The following CDK19 variants were observed in gnomAD, a reference collection of about 807,000 sequenced individuals.
CDK19 encodes the protein cyclin-dependent kinase 19.
Under a neutral mutation model 68.3 loss-of-function variants are expected in CDK19, and 20 were observed. The observed-to-expected ratio is 0.29, with a 90% confidence interval of 0.21 to 0.43. CDK19 has a LOEUF of 0.43. Ranked by LOEUF, CDK19 falls within the 20% of genes least tolerant of loss-of-function variation. The pLI, the probability that CDK19 is intolerant of heterozygous loss-of-function variation, is 1.00. For synonymous variants in CDK19, 221 were observed against 222.8 expected (o/e 0.99, Z 0.07); for missense variants, 339 against 623.5 (o/e 0.54, Z 4.86).
intron 1 of CDK19, among the ~76,000 whole-genome samples, chr6:110,781,476 A>C (rs1405772295): frequency 6.6e-6 from 1 of 152,086 alleles, no homozygotes; most frequent in Admixed American, 6.5e-5. Flanking sequence ...TTTGGAGGGG[A>C]CAAATATCCA....
chr6:110,759,404 TAAAAAA>T (rs1157889434), intron 1 of CDK19, among the ~76,000 whole-genome samples: 4 of 57,212 alleles, frequency 7.0e-5, no homozygotes, highest in African/African-American at 1.5e-4. Context: ...GACTCCGTCT[TAAAAAA>T]AAAAAAAAAA....
chr6:110,726,822 T>C (rs1185060294), intron 2 of CDK19, among the ~76,000 whole-genome samples: 1 of 152,176 alleles, frequency 6.6e-6, no homozygotes, highest in African/African-American at 2.4e-5. Flanking sequence ...TATTTACTTC[T>C]AAGTTCTGAA....
At chr6:110,618,244 T>G (rs1381040665) in intron 12 of CDK19, among the ~76,000 whole-genome samples, 1 of 152,132 alleles carries the variant, frequency 6.6e-6, no homozygotes, top group East Asian at 1.9e-4. Context: ...GCAATTATCC[T>G]GCCTCAGCCT....
At position 110,815,072 on chromosome 6, in the gene CDK19, T is replaced by A. The variant is rs1783520550; in HGVS notation, c.65A>T (p.Tyr22Phe). 1 of 1,604,886 alleles carries A rather than the reference T, an allele frequency of 6.2e-7. No individual in the cohort carries two copies. The highest frequency in any genetic ancestry group is 8.5e-7 in the Non-Finnish European group (1 of 1,176,512). Residue 22 changes from tyrosine to phenylalanine, a missense_variant, in exon 1 of 13, where the codon TAC becomes TTC. Physicochemically the swap from Tyr to Phe is conservative, Grantham distance 22. Coordinates refer to ENST00000368911, the MANE Select transcript of CDK19 (RefSeq NM_015076.5). Reference sequence around the variant, plus strand: ...GCCGCGTCCCACTTTGCACCCTTCGTACTCAAACAAATCCTCCACCCGCTC... The same window carrying A: ...GCCGCGTCCCACTTTGCACCCTTCGAACTCAAACAAATCCTCCACCCGCTC... Reference protein sequence around the residue: ...ERERVEDLFEYEGCKVGRGTY... With the variant: ...ERERVEDLFEFEGCKVGRGTY...
chr6:110,614,697 C>T lies in CDK19; in HGVS notation c.1378-31G>A, dbSNP rs769354505. 4 of 1,611,596 alleles carry T rather than the reference C, an allele frequency of 2.5e-6. No individual in the cohort carries two copies. The African/African-American group carries it at 4.0e-5, about 16-fold the overall frequency. ...AGAAGGAAACAGGAAAAGGGAATTA[C>T]TGATGGAGGAAGAGGATGACTCAAG... On this transcript the variant is annotated intron_variant, in intron 12 of 12. Coordinates refer to ENST00000368911, the MANE Select transcript of CDK19 (RefSeq NM_015076.5).
chr6:110,634,134 A>G (rs965505597), intron 5 of CDK19, among the ~76,000 whole-genome samples: 2 of 152,228 alleles, frequency 1.3e-5, no homozygotes, highest in African/African-American at 4.8e-5. Flanking sequence ...GTGCTACGGT[A>G]TAACATATTA....
intron 1 of CDK19, among the ~76,000 whole-genome samples, chr6:110,761,441 G>A (rs1357712215): frequency 6.6e-6 from 1 of 152,206 alleles, no homozygotes; most frequent in Non-Finnish European, 1.5e-5. Flanking sequence ...GAAGAAACAA[G>A]AGAAAGAACT....
intron 1 of CDK19, among the ~76,000 whole-genome samples, chr6:110,801,733 G>A (rs1390408068): frequency 2.0e-5 from 3 of 152,096 alleles, no homozygotes; most frequent in Admixed American, 6.6e-5. Flanking sequence ...GGATGGTCTC[G>A]ATCTCCTGAC....
intron 1 of CDK19, among the ~76,000 whole-genome samples, chr6:110,809,588 T>G (rs934324106): frequency 9.9e-5 from 15 of 152,184 alleles, no homozygotes; most frequent in Admixed American, 9.8e-4. Context: ...AAAAATACAT[T>G]AGAAGTATTT....
At chr6:110,677,067 A>C (rs887231233) in intron 2 of CDK19, among the ~76,000 whole-genome samples, 2 of 152,302 alleles carry the variant, frequency 1.3e-5, no homozygotes, top group East Asian at 3.9e-4. Flanking sequence ...TATCAACATG[A>C]AGGCCGACTG....
intron 1 of CDK19, among the ~76,000 whole-genome samples, chr6:110,749,813 C>CCCAGCTCTTCCAAT (rs1554218090): frequency 6.9e-6 from 1 of 145,176 alleles, no homozygotes; most frequent in South Asian, 2.4e-4. Context: ...TGCTCTGTTG[C>CCCAGCTCTTCCAAT]TCAGGCTGGA....
chr6:110,712,494 GT>G lies in CDK19; in HGVS notation c.204+33631del, dbSNP rs574848556. 3.6e-4 allele frequency among the ~76,000 whole-genome samples: 55 copies of G among 152,274 alleles called. No individual in the cohort carries two copies. In the South Asian group the frequency reaches 0.011, roughly 31 times the overall value. ...AAAAGCAGACTTCTATGGAACTATA[GT>G]ACTAACTGCTATGGACAATTTCTCT... On this transcript the variant is annotated intron_variant, in intron 2 of 12. Transcript: ENST00000368911.
chr6:110,719,211 C>T (rs557581433), intron 2 of CDK19, among the ~76,000 whole-genome samples: 2 of 152,240 alleles, frequency 1.3e-5, no homozygotes, highest in East Asian at 1.9e-4. Context: ...AGGCCAGGTG[C>T]GGTAGCCCAT....
At chr6:110,771,118 A>G (rs1436317579) in intron 1 of CDK19, among the ~76,000 whole-genome samples, 2 of 151,904 alleles carry the variant, frequency 1.3e-5, no homozygotes, top group African/African-American at 4.8e-5. Flanking sequence ...TGGGGTCTGG[A>G]GGTCTTCTCA....
At chr6:110,785,069 A>G (rs1275756689) in intron 1 of CDK19, among the ~76,000 whole-genome samples, 1 of 131,818 alleles carries the variant, frequency 7.6e-6, no homozygotes, top group Admixed American at 7.6e-5. Context: ...AAACCACTGA[A>G]TTGTCAAAAA....
chr6:110,765,693 A>G (rs1779537211), intron 1 of CDK19, among the ~76,000 whole-genome samples: 2 of 151,534 alleles, frequency 1.3e-5, no homozygotes, highest in South Asian at 2.1e-4. Flanking sequence ...AAAAAAAAAA[A>G]GACAAGGAGG....
chr6:110,798,626 C>T (rs562719889), intron 1 of CDK19, among the ~76,000 whole-genome samples: 1 of 73,132 alleles, frequency 1.4e-5, no homozygotes, highest in African/African-American at 5.1e-5. Context: ...ACTCTGTCTC[C>T]AGAAAAAAAA....
chr6:110,610,555 C>A lies in CDK19; in HGVS notation c.*3980G>T, dbSNP rs564936439. On this transcript the variant is annotated 3_prime_UTR_variant, in exon 13 of 13. Transcript: ENST00000368911. Reference sequence around the variant, plus strand: ...AGAAGAGTAAGTATGGCCTTAGGTACAACACGTTTTTTAAAAACCCTAAAA... The same window carrying A: ...AGAAGAGTAAGTATGGCCTTAGGTAAAACACGTTTTTTAAAAACCCTAAAA... The A allele has an allele frequency of 7.9e-5, 12 of 151,998 alleles. No homozygotes were observed. The East Asian group carries it at 2.1e-3, about 27-fold the overall frequency. 9.4% of individuals were successfully genotyped at this position (151,998 alleles called of 1,614,324 possible).
chr6:110,771,255 G>A (rs1779998428), intron 1 of CDK19, among the ~76,000 whole-genome samples: 1 of 152,188 alleles, frequency 6.6e-6, no homozygotes, highest in Admixed American at 6.5e-5. Flanking sequence ...TTTTGCCTCA[G>A]CATCCAGCAT....
Sources: gnomAD v4.1 joint callset for allele counts (sites outside exome capture counted in the v4.1 genomes callset) on GRCh38, gnomAD v4.1.1 for gene constraint, MANE v1.5 for transcripts, NCBI Gene and HGNC (gene_info 2026-07-23, HGNC 2026-07-21) for gene names.